Variants in MTA3 observed in about 807,000 individuals in gnomAD.
The protein encoded by MTA3 is metastasis-associated protein MTA3.
In MTA3, 34 loss-of-function variants were observed where a neutral mutation model predicts 83.5. The observed-to-expected ratio is 0.41, with a 90% CI of 0.31 to 0.54. The LOEUF (loss-of-function observed/expected upper bound fraction) is 0.54, where lower values mean the gene tolerates loss of function less well. MTA3 is among the 20% of genes least tolerant of loss of function. The pLI is 0.33. For synonymous variants in MTA3, 303 were observed against 252.7 expected, an observed-to-expected ratio of 1.20 and a Z score of -1.89; for missense variants, 761 against 726.4, an observed-to-expected ratio of 1.05 and a Z score of -0.55.
chr2:42,607,064 AGGTAGGGGTAGG>A (rs879922184), intron 3 of MTA3, among the ~76,000 whole-genome samples: 447 of 128,718 alleles, frequency 3.5e-3, no homozygotes, highest in Non-Finnish European at 5.1e-3. Context: ...CCGGAGGTAG[AGGTAGGGGTAGG>A]GGTAGGGGTA....
intron 4 of MTA3, among the ~76,000 whole-genome samples, chr2:42,621,132 G>GGTT (rs368458820): frequency 2.2e-5 from 3 of 137,390 alleles, no homozygotes; most frequent in African/African-American, 8.1e-5. Flanking sequence ...TCTTATTAGA[G>GGTT]TTTTTTTTTT....
At chr2:42,609,414 A>T (rs1230347468) in intron 3 of MTA3, 44 bp from the exon 4 acceptor site, 7 of 1,575,366 alleles carry the variant, frequency 4.4e-6, no homozygotes, top group Non-Finnish European at 6.1e-6. Flanking sequence ...CCAAACAGAT[A>T]ATGTGCTTTG....
intron 2 of MTA3, among the ~76,000 whole-genome samples, chr2:42,556,351 G>A (rs1272632279): frequency 1.3e-5 from 2 of 152,216 alleles, no homozygotes; most frequent in African/African-American, 4.8e-5. Flanking sequence ...GCTCTGGAAA[G>A]TGTTTACCAA....
intron 2 of MTA3, chr2:42,532,765 G>T: frequency 1.0e-5 from 3 of 286,116 alleles, no homozygotes; most frequent in Non-Finnish European, 6.8e-6. Context: ...CACCTATTAT[G>T]CATGAACTCA....
Position 42,754,783 on chromosome 2 carries a change from G to C in MTA3, c.*1384G>C. 1.0e-6 allele frequency: 1 copy of C among 985,496 alleles called. No homozygotes were observed. Among genetic ancestry groups the C allele is most frequent in the Non-Finnish European group, 1.2e-6 (1 of 829,950 alleles). 61.0% of individuals were successfully genotyped at this position (985,496 alleles called of 1,614,324 possible). ...TGGCTACAATTGAATTGACACCCTGGGAAGCACGAGGTAACTTGGTAAGGA... is the reference window on the plus strand; with the variant it reads ...TGGCTACAATTGAATTGACACCCTGCGAAGCACGAGGTAACTTGGTAAGGA... On this transcript the variant is annotated 3_prime_UTR_variant, in exon 17 of 17. Transcript: ENST00000405094.
intron 6 of MTA3, among the ~76,000 whole-genome samples, chr2:42,654,559 G>A (rs1466813854): frequency 1.3e-5 from 2 of 152,102 alleles, no homozygotes; most frequent in Non-Finnish European, 2.9e-5. Flanking sequence ...TTATCCCTTT[G>A]TGAGACATTC....
intron 14 of MTA3, among the ~76,000 whole-genome samples, chr2:42,716,526 G>C (rs1667043687): frequency 6.6e-6 from 1 of 151,964 alleles, no homozygotes; most frequent in South Asian, 2.1e-4. Flanking sequence ...GCTCCCCTCT[G>C]TGCATCCATG....
intron 2 of MTA3, among the ~76,000 whole-genome samples, chr2:42,557,963 T>C (rs1677479090): frequency 6.6e-6 from 1 of 152,130 alleles, no homozygotes; most frequent in South Asian, 2.1e-4. Context: ...TTGAGCTGCC[T>C]AGCACCTGAA....
At chr2:42,542,470 A>G (rs6544560) in intron 2 of MTA3, among the ~76,000 whole-genome samples, 124,518 of 152,224 alleles carry the variant, frequency 0.82, 51,699 homozygotes, top group African/African-American at 0.96. Context: ...TTGACACTCA[A>G]TATTAACCGT....
At chr2:42,713,608 GTTGCCT>G (rs1666800744) in intron 14 of MTA3, among the ~76,000 whole-genome samples, 1 of 98,026 alleles carries the variant, frequency 1.0e-5, no homozygotes, top group Admixed American at 1.1e-4. Flanking sequence ...CATTATCATC[GTTGCCT>G]TAAGTATCCA....
intron 2 of MTA3, among the ~76,000 whole-genome samples, chr2:42,522,750 A>G (rs989535682): frequency 5.9e-5 from 9 of 151,658 alleles, no homozygotes; most frequent in African/African-American, 1.5e-4. Flanking sequence ...GAAAGATGGG[A>G]AAAAAAGGAA....
At chr2:42,674,915 CTT>C (rs1297946154) in intron 8 of MTA3, among the ~76,000 whole-genome samples, 1 of 146,264 alleles carries the variant, frequency 6.8e-6, no homozygotes. Context: ...TTCTTTCTTT[CTT>C]TTTTTTTTAA....
intron 3 of MTA3, among the ~76,000 whole-genome samples, chr2:42,588,856 A>G (rs1221977801): frequency 6.6e-6 from 1 of 152,108 alleles, no homozygotes; most frequent in Non-Finnish European, 1.5e-5. Flanking sequence ...TATACATATA[A>G]AGAGATTTTT....
intron 8 of MTA3, among the ~76,000 whole-genome samples, chr2:42,667,346 C>A (rs2104394872): frequency 6.6e-6 from 1 of 152,178 alleles, no homozygotes; most frequent in South Asian, 2.1e-4. Flanking sequence ...TACCACCATC[C>A]ATCTCTGGAA....
intron 3 of MTA3, among the ~76,000 whole-genome samples, chr2:42,594,697 TAA>T: frequency 1.2e-5 from 1 of 82,710 alleles, no homozygotes; most frequent in Admixed American, 1.8e-4. Flanking sequence ...TATACATATA[TAA>T]ATATACATAT....
intron 2 of MTA3, among the ~76,000 whole-genome samples, chr2:42,500,884 C>T (rs1483229339): frequency 6.7e-6 from 1 of 150,194 alleles, no homozygotes; most frequent in Non-Finnish European, 1.5e-5. Context: ...GATCTCGGCT[C>T]ACTGCAAGCT....
intron 4 of MTA3, among the ~76,000 whole-genome samples, chr2:42,622,302 A>C (rs1272161198): frequency 2.0e-5 from 3 of 151,548 alleles, no homozygotes; most frequent in South Asian, 4.2e-4. Flanking sequence ...GGCACTCAGC[A>C]GGCTGAGGCA....
intron 4 of MTA3, among the ~76,000 whole-genome samples, chr2:42,633,531 A>G (rs531932454): frequency 1.3e-5 from 2 of 152,222 alleles, no homozygotes; most frequent in Non-Finnish European, 2.9e-5. Context: ...GTGAGCTGAG[A>G]TCACGCCACT....
intron 4 of MTA3, among the ~76,000 whole-genome samples, chr2:42,629,108 C>T (rs1001979243): frequency 6.6e-6 from 1 of 152,058 alleles, no homozygotes; most frequent in African/African-American, 2.4e-5. Context: ...GAGACGGAGT[C>T]TTGCTCTGTG....
Sources: gnomAD v4.1 joint callset for allele counts (sites outside exome capture counted in the v4.1 genomes callset) on GRCh38, gnomAD v4.1.1 for gene constraint, MANE v1.5 for transcripts, NCBI Gene and HGNC (gene_info 2026-07-23, HGNC 2026-07-21) for gene names.